CS: variants seen among roughly 807,000 people sequenced by gnomAD.
CS encodes the protein citrate synthase, mitochondrial.
CS carries 13 observed loss-of-function variants against 61.4 expected under a neutral mutation model. The observed-to-expected ratio is 0.21, with a 90% CI of 0.14 to 0.34. The LOEUF is 0.34. Ranked by LOEUF, CS falls within the 10% of genes least tolerant of loss-of-function variation. CS has a pLI of 1.00. For synonymous variants in CS, 159 were observed against 215.2 expected, an observed-to-expected ratio of 0.74 and a Z score of 2.29; for missense variants, 278 against 573.4, an observed-to-expected ratio of 0.48 and a Z score of 5.26.
Position 56,293,471 on chromosome 12 carries a change from C to T in CS, c.42+6689G>A, listed in dbSNP as rs1051731856. ...GTGGCTCACGCCTGTAATCCCAACA[C>T]CTTGGGAGGCCAAGGTGGGTGGATC... On this transcript the variant is annotated intron_variant, in intron 1 of 10. Transcript: ENST00000351328. 3.3e-5 allele frequency among the ~76,000 whole-genome samples: 5 copies of T among 152,190 alleles called. No individual in the cohort carries two copies. The East Asian group carries it at 7.7e-4, about 23-fold the overall frequency.
At position 56,300,163 on chromosome 12, in the gene CS, G is replaced by C. The variant is rs769251637; in HGVS notation, c.39C>G (p.Thr13=). The C allele has an allele frequency of 8.9e-6, 14 of 1,567,990 alleles. No individual in the cohort carries two copies. The highest frequency in any genetic ancestry group is 1.2e-5 in the Non-Finnish European group (14 of 1,157,770). ...GCTCCCTCCCCTCGCTGCTCACCTT[G>C]GTTCCCAAGAGCCGGGCGGCCGCAG... ...LLTAAARLLG[T]KNASCLVLAA... The change falls in exon 1 of 11, where the codon ACC becomes ACG. Residue 13 remains threonine, a synonymous_variant. Coordinates refer to ENST00000351328, the MANE Select transcript of CS (RefSeq NM_004077.3).
chr12:56,298,601 T>C, intron 1 of CS: 1 of 985,124 alleles, frequency 1.0e-6, no homozygotes, highest in Non-Finnish European at 1.2e-6. Context: ...CCCAAGAGGT[T>C]TCCTTACCCT....
intron 1 of CS, among the ~76,000 whole-genome samples, chr12:56,297,766 G>T (rs1299161258): frequency 3.3e-5 from 5 of 152,150 alleles, no homozygotes; most frequent in African/African-American, 9.7e-5. Flanking sequence ...ACTCAAAGTG[G>T]TAAGAGTCAG....
intron 3 of CS, among the ~76,000 whole-genome samples, chr12:56,284,586 T>C (rs1043334762): frequency 1.3e-5 from 2 of 149,698 alleles, no homozygotes; most frequent in Non-Finnish European, 3.0e-5. Flanking sequence ...AATTTTTGTA[T>C]TTCTTTTTTT....
At chr12:56,284,329 A>T (rs1407048465) in intron 3 of CS, among the ~76,000 whole-genome samples, 1 of 149,536 alleles carries the variant, frequency 6.7e-6, no homozygotes, top group Non-Finnish European at 1.5e-5. Flanking sequence ...CAAAAAAAAA[A>T]AAAAAAAAGA....
intron 6 of CS, among the ~76,000 whole-genome samples, chr12:56,276,722 G>C (rs1009684347): frequency 2.0e-5 from 3 of 152,088 alleles, no homozygotes; most frequent in Non-Finnish European, 4.4e-5. Flanking sequence ...TGTATTTTTA[G>C]TAGAGACGGG....
intron 6 of CS, among the ~76,000 whole-genome samples, chr12:56,280,947 C>T (rs1872762484): frequency 6.6e-6 from 1 of 152,116 alleles, no homozygotes; most frequent in African/African-American, 2.4e-5. Context: ...TCTCTGTCTT[C>T]CTCAACTGCA....
In CS at chr12:56,284,319, C is replaced by CAAAAAAAAA. The variant is rs57352870; in HGVS notation, c.202-471_202-463dup. On this transcript the variant is annotated intron_variant, in intron 3 of 10. Transcript: ENST00000351328. ...GGGTGACAAGAGCAAAACTCCATCT[C>CAAAAAAAAA]AAAAAAAAAAAAAAAAAAGAAAAAA... Among the ~76,000 whole-genome samples, 45 of 73,362 alleles carry CAAAAAAAAA rather than the reference C, an allele frequency of 6.1e-4. 1 individual carries two copies. Among genetic ancestry groups the CAAAAAAAAA allele is most frequent in the Non-Finnish European group, 1.1e-3 (42 of 37,028 alleles). The allele number at this position is 73,362 out of a possible 152,430, so 48.1% of individuals were successfully genotyped here. A position where few individuals can be genotyped will look rare whatever the true frequency, so the allele number is the denominator to read the frequency against.
intron 1 of CS, among the ~76,000 whole-genome samples, chr12:56,292,941 A>G (rs1194670975): frequency 6.6e-6 from 1 of 151,404 alleles, no homozygotes; most frequent in Non-Finnish European, 1.5e-5. Context: ...AAATTAAATT[A>G]ATTAAATTTA....
chr12:56,279,836 T>C (rs1164385823), intron 6 of CS, among the ~76,000 whole-genome samples: 1 of 137,610 alleles, frequency 7.3e-6, no homozygotes, highest in Non-Finnish European at 1.5e-5. Flanking sequence ...GGCGTGGTGG[T>C]GCGCACCTGT....
intron 1 of CS, among the ~76,000 whole-genome samples, chr12:56,289,729 A>C (rs1219082128): frequency 6.6e-6 from 1 of 152,074 alleles, no homozygotes; most frequent in Non-Finnish European, 1.5e-5. Flanking sequence ...GGCGTGAGCC[A>C]CCGCGCCCGG....
intron 1 of CS, chr12:56,291,152 C>A: frequency 1.3e-6 from 1 of 779,070 alleles, no homozygotes; most frequent in Non-Finnish European, 1.8e-6. Context: ...GCATCTAGAA[C>A]AGTGCTTTGT....
At position 56,272,927 on chromosome 12, in the gene CS, T is replaced by C; in HGVS notation, c.*157A>G. 1 of 617,038 alleles carries C rather than the reference T, an allele frequency of 1.6e-6. No individual in the cohort carries two copies. Among genetic ancestry groups the C allele is most frequent in the Non-Finnish European group, 2.8e-6 (1 of 354,084 alleles). The allele number at this position is 617,038 out of a possible 1,614,324, so 38.2% of individuals were successfully genotyped here. A position where few individuals can be genotyped will look rare whatever the true frequency, so the allele number is the denominator to read the frequency against. On this transcript the variant is annotated 3_prime_UTR_variant, in exon 11 of 11. Transcript: ENST00000351328. Reference sequence around the variant, plus strand: ...TTAGGGAAGAAGGGACCATTTTTCATCTTTTAAAGTCTTAATTTATATTTT... The same window carrying C: ...TTAGGGAAGAAGGGACCATTTTTCACCTTTTAAAGTCTTAATTTATATTTT...
intron 7 of CS, 42 bp from the exon 8 acceptor site, chr12:56,275,173 G>T: frequency 6.2e-7 from 1 of 1,612,896 alleles, no homozygotes; most frequent in South Asian, 1.1e-5. Flanking sequence ...AAGAAAGAAG[G>T]GGCAGATTAT....
chr12:56,296,198 C>T (rs1488164089), intron 1 of CS, among the ~76,000 whole-genome samples: 17 of 152,050 alleles, frequency 1.1e-4, no homozygotes, highest in African/African-American at 3.4e-4. Flanking sequence ...CAGTGGCTCA[C>T]GCCTGTAATC....
rs939995644 is a variant in CS at position 56,272,256 on chromosome 12, G to A, written c.*828C>T. 4.6e-5 allele frequency: 9 copies of A among 193,948 alleles called. No individual in the cohort carries two copies. Among genetic ancestry groups the A allele is most frequent in the Middle Eastern group, 2.2e-3 (1 of 452 alleles). The allele number at this position is 193,948 out of a possible 1,614,324, so 12.0% of individuals were successfully genotyped here. On this transcript the variant is annotated 3_prime_UTR_variant, in exon 11 of 11. Transcript: ENST00000351328. ...TGGGGAGGTCAGAAGGTAGTGGCTTGTATTCTGTGGAAGTAAAAAACTTAG... is the reference window on the plus strand; with the variant it reads ...TGGGGAGGTCAGAAGGTAGTGGCTTATATTCTGTGGAAGTAAAAAACTTAG...
chr12:56,285,874 T>C lies in CS; in HGVS notation c.201+42A>G, dbSNP rs537829442. 1.0e-5 allele frequency: 15 copies of C among 1,489,136 alleles called. No homozygotes were observed. The South Asian group carries it at 1.5e-4, about 15-fold the overall frequency. 92.2% of individuals were successfully genotyped at this position (1,489,136 alleles called of 1,614,324 possible). ...AGAATGTTACTTTTGTTGAAGCACA[T>C]TACAGAGCTACTTTTCCCAGCCAAA... On this transcript the variant is annotated intron_variant, in intron 3 of 10. Coordinates refer to ENST00000351328, the MANE Select transcript of CS (RefSeq NM_004077.3).
rs573191502 is a variant in CS, at chr12:56,285,765, C to T, written c.201+151G>A. 197 of 702,860 alleles carry T rather than the reference C, an allele frequency of 2.8e-4. 5 individuals carry two copies. The South Asian group carries it at 3.3e-3, about 12-fold the overall frequency. 43.5% of individuals were successfully genotyped at this position (702,860 alleles called of 1,614,324 possible). Reference sequence around the variant, plus strand: ...TTGAGAAACTATCAGCTGAGCTGCTCAGAATCTGAAGGATGGGGAAAAGTC... The same window carrying T: ...TTGAGAAACTATCAGCTGAGCTGCTTAGAATCTGAAGGATGGGGAAAAGTC... On this transcript the variant is annotated intron_variant, in intron 3 of 10. Transcript: ENST00000351328.
In CS at chr12:56,276,023, AGC is replaced by A. The variant is rs758533997; in HGVS notation, c.759_760del (p.Glu253AspfsTer11). On this transcript the variant is annotated frameshift_variant, in exon 7 of 11. Coordinates refer to ENST00000351328, the MANE Select transcript of CS (RefSeq NM_004077.3). LOFTEE classifies it high-confidence loss of function. The stretch of plus-strand genomic sequence containing the variant: ...GTGGATGGTGAGGTACAGGCGCGTG[AGC>A]TCAGTGAACTGATGATCAGTATAGC... 1 of 1,614,192 alleles carries A rather than the reference AGC, an allele frequency of 6.2e-7. No homozygotes were observed. Among genetic ancestry groups the A allele is most frequent in the Non-Finnish European group, 8.5e-7 (1 of 1,180,036 alleles).
Sources: gnomAD v4.1 joint callset for allele counts (sites outside exome capture counted in the v4.1 genomes callset) on GRCh38, gnomAD v4.1.1 for gene constraint, MANE v1.5 for transcripts, NCBI Gene and HGNC (gene_info 2026-07-23, HGNC 2026-07-21) for gene names.